NALCN: variants seen among roughly 807,000 people sequenced by gnomAD.
The protein encoded by NALCN is sodium leak channel, non-selective, also known as sodium leak channel NALCN.
NALCN carries 111 observed loss-of-function variants against 225.3 expected under a neutral mutation model. That is an observed-to-expected ratio of 0.49 (90% CI 0.42 to 0.58). NALCN has a LOEUF of 0.58. Ranked by LOEUF, NALCN falls within the 20% of genes least tolerant of loss-of-function variation. NALCN has a pLI of 0.00. For synonymous variants in NALCN, 764 were observed against 769.0 expected (o/e 0.99, Z 0.11); for missense variants, 1,378 against 2,202.4 (o/e 0.63, Z 7.49).
In NALCN at chr13:101,398,997, C is replaced by G. The variant is rs755856288; in HGVS notation, c.108+22G>C. 26 of 1,407,284 alleles carry G rather than the reference C, an allele frequency of 1.8e-5. 1 individual carries two copies. The East Asian group carries it at 2.7e-4, about 15-fold the overall frequency. The allele number at this position is 1,407,284 out of a possible 1,614,324, so 87.2% of individuals were successfully genotyped here. On this transcript the variant is annotated intron_variant, in intron 2 of 43. Transcript: ENST00000251127. ...TATCTCACATCCACATATGCTTCTC[C>G]ATACTCAAAGAAGAAACTTACTGGT...
intron 17 of NALCN, among the ~76,000 whole-genome samples, chr13:101,134,087 G>C (rs1413055423): frequency 6.6e-6 from 1 of 152,008 alleles, no homozygotes; most frequent in Non-Finnish European, 1.5e-5. Context: ...GGAGAATGGC[G>C]TGAACCTGGG....
At chr13:101,383,832 A>G (rs2046914577) in intron 3 of NALCN, among the ~76,000 whole-genome samples, 1 of 152,240 alleles carries the variant, frequency 6.6e-6, no homozygotes, top group African/African-American at 2.4e-5. Context: ...TGCCATGCAA[A>G]TACAGTTACG....
At chr13:101,333,478 T>C (rs1273342697) in intron 7 of NALCN, among the ~76,000 whole-genome samples, 5 of 152,326 alleles carry the variant, frequency 3.3e-5, no homozygotes, top group African/African-American at 4.8e-5. Flanking sequence ...CTCTCTCCAC[T>C]GTCCAGTGAC....
intron 6 of NALCN, among the ~76,000 whole-genome samples, chr13:101,355,594 A>C (rs966568011): frequency 5.3e-5 from 8 of 152,172 alleles, no homozygotes; most frequent in African/African-American, 1.9e-4. Flanking sequence ...CCACAAAATA[A>C]TAGTGGGAGA....
At chr13:101,181,219 G>C (rs369579903) in intron 14 of NALCN, 5 of 518,766 alleles carry the variant, frequency 9.6e-6, no homozygotes, top group Admixed American at 3.9e-5. Flanking sequence ...TGTGGTGAGG[G>C]CCTGGTGAGT....
intron 27 of NALCN, among the ~76,000 whole-genome samples, chr13:101,097,056 C>T (rs1318737712): frequency 1.3e-5 from 2 of 152,172 alleles, no homozygotes; most frequent in East Asian, 3.9e-4. Context: ...TTTCCCTGTC[C>T]TTCTTGGCCC....
rs1461619718 is a variant in NALCN, at chr13:101,089,236, T to C, written c.3489+427A>G. 6.6e-6 allele frequency among the ~76,000 whole-genome samples: 1 copy of C among 152,180 alleles called. No individual in the cohort carries two copies. The highest frequency in any genetic ancestry group is 2.4e-5 in the African/African-American group (1 of 41,460). ...TTCTGTGAATTAGGATTTTGAAATT[T>C]CTACCAGACTCCCCTCACCCCCATC... On this transcript the variant is annotated intron_variant, in intron 30 of 43. Coordinates refer to ENST00000251127, the MANE Select transcript of NALCN (RefSeq NM_052867.4). This position sits in a 1 kb window ranked among gnomAD's most constrained non-coding sequence, Gnocchi z 4.7.
In NALCN at chr13:101,371,343, G is replaced by A. The variant is rs115099820; in HGVS notation, c.644+5357C>T. ...CTTTCATTTTTACTTCTTAGAGACT[G>A]GGTCTCACTCTATCACCCAGGCTGG... On this transcript the variant is annotated intron_variant, in intron 6 of 43. Transcript: ENST00000251127. Among the ~76,000 whole-genome samples the A allele has an allele frequency of 2.0e-3, 308 of 152,078 alleles. 1 individual carries two copies. Among genetic ancestry groups the A allele is most frequent in the African/African-American group, 7.3e-3 (302 of 41,488 alleles).
At chr13:101,157,338 T>C (rs943540988) in intron 15 of NALCN, among the ~76,000 whole-genome samples, 2 of 152,182 alleles carry the variant, frequency 1.3e-5, no homozygotes, top group Admixed American at 1.3e-4. Context: ...CTAAATACCA[T>C]TCTCCAATAA....
Position 101,074,574 on chromosome 13 carries a change from C to G in NALCN, c.4043G>C (p.Cys1348Ser). ...TAAAACAACTCCAGCAAAAGCGTAA[C>G]ACAGCAGCAAGAGAAACATGCCTAC... is the stretch of plus-strand genomic sequence containing the variant. ...IIVGMFLLLL[C>S]YAFAGVVLFG... is the part of the protein sequence containing the mutation. The change falls in exon 36 of 44, where the codon TGT (cysteine) becomes TCT (serine). Residue 1348 changes from cysteine to serine, a missense_variant. Transcript: ENST00000251127. The G allele has an allele frequency of 6.2e-7, 1 of 1,613,746 alleles. No individual in the cohort carries two copies. Among genetic ancestry groups the G allele is most frequent in the South Asian group, 1.1e-5 (1 of 91,012 alleles).
chr13:101,167,022 T>C (rs1213896266), intron 15 of NALCN, among the ~76,000 whole-genome samples: 1 of 152,344 alleles, frequency 6.6e-6, no homozygotes, highest in Non-Finnish European at 1.5e-5. Flanking sequence ...ATCATGTGAC[T>C]ATATATGTGA....
chr13:101,211,334 G>A (rs1394723394), intron 13 of NALCN, among the ~76,000 whole-genome samples: 2 of 152,222 alleles, frequency 1.3e-5, no homozygotes, highest in Non-Finnish European at 2.9e-5. Context: ...CCCTGAAAGA[G>A]TACTCTTCTA....
chr13:101,301,882 G>A (rs1236688558), intron 7 of NALCN, among the ~76,000 whole-genome samples: 1 of 152,172 alleles, frequency 6.6e-6, no homozygotes, highest in Non-Finnish European at 1.5e-5. Flanking sequence ...GGATGCACTA[G>A]GGCAGTGATG....
chr13:101,143,799 T>A (rs1335552057), intron 16 of NALCN, among the ~76,000 whole-genome samples: 2 of 152,136 alleles, frequency 1.3e-5, no homozygotes, highest in East Asian at 3.9e-4. Flanking sequence ...ATAAAACACT[T>A]TTTTTCCCCC....
intron 15 of NALCN, among the ~76,000 whole-genome samples, chr13:101,145,891 T>A (rs1489409302): frequency 1.3e-5 from 2 of 152,188 alleles, no homozygotes; most frequent in African/African-American, 4.8e-5. Flanking sequence ...TCAAAAATCA[T>A]CCACTCATTT....
intron 3 of NALCN, among the ~76,000 whole-genome samples, chr13:101,389,011 A>G (rs1447645131): frequency 6.6e-6 from 1 of 152,218 alleles, no homozygotes; most frequent in African/African-American, 2.4e-5. Context: ...AGTACTGTGA[A>G]TAACAGAGAT....
Position 101,104,832 on chromosome 13 carries a change from C to T in NALCN, c.2636+62G>A. ...AAAAGAGAATTTTAATCGTTGTATG[C>T]AGCATAAAATAGTACATGAAAACTT... On this transcript the variant is annotated intron_variant, in intron 23 of 43. Transcript: ENST00000251127. This position sits in a 1 kb window ranked among gnomAD's most constrained non-coding sequence, Gnocchi z 4.2. 1.3e-6 allele frequency: 2 copies of T among 1,577,608 alleles called. No homozygotes were observed. The highest frequency in any genetic ancestry group is 2.2e-5 in the East Asian group (1 of 44,578).
At chr13:101,083,942 G>C in intron 30 of NALCN, 138 bp from the exon 31 acceptor site, 2 of 697,256 alleles carry the variant, frequency 2.9e-6, no homozygotes, top group Non-Finnish European at 4.4e-6. Flanking sequence ...GGTGGTGAGA[G>C]AAACATGGTC....
chr13:101,379,527 A>G (rs748227547), intron 3 of NALCN, among the ~76,000 whole-genome samples: 3 of 152,188 alleles, frequency 2.0e-5, no homozygotes, highest in Admixed American at 6.5e-5. Context: ...ATGGAATACT[A>G]TGCAGCCATA....
Sources: gnomAD v4.1 joint callset for allele counts (sites outside exome capture counted in the v4.1 genomes callset) on GRCh38, gnomAD v4.1.1 for gene constraint, Gnocchi (gnomAD v3.1) non-coding constraint, MANE v1.5 for transcripts, NCBI Gene and HGNC (gene_info 2026-07-23, HGNC 2026-07-21) for gene names.